SLC24A3: variants seen among roughly 807,000 people sequenced by gnomAD.
The protein encoded by SLC24A3 is sodium/potassium/calcium exchanger 3.
Under a neutral mutation model 75.8 loss-of-function variants are expected in SLC24A3, and 28 were observed. The observed-to-expected ratio is 0.37, with a 90% confidence interval of 0.27 to 0.51. The LOEUF (loss-of-function observed/expected upper bound fraction) is 0.51, where lower values mean the gene tolerates loss of function less well. Ranked by LOEUF, SLC24A3 falls within the 20% of genes least tolerant of loss-of-function variation. The pLI is 0.94. For synonymous variants in SLC24A3, 372 were observed against 334.1 expected, an observed-to-expected ratio of 1.11 and a Z score of -1.24; for missense variants, 663 against 847.8, an observed-to-expected ratio of 0.78 and a Z score of 2.71.
chr20:19,562,234 G>A (rs372775528), intron 3 of SLC24A3, among the ~76,000 whole-genome samples: 45 of 152,284 alleles, frequency 3.0e-4, no homozygotes, highest in African/African-American at 9.9e-4. Context: ...CAAACTGCAA[G>A]TGTAGGTCCT....
At chr20:19,480,931 C>T (rs2122518327) in intron 2 of SLC24A3, among the ~76,000 whole-genome samples, 1 of 152,248 alleles carries the variant, frequency 6.6e-6, no homozygotes, top group South Asian at 2.1e-4. Context: ...TATTGACTAC[C>T]CTATTTAATA....
intron 2 of SLC24A3, among the ~76,000 whole-genome samples, chr20:19,339,001 G>A (rs1464515691): frequency 1.3e-5 from 2 of 152,164 alleles, no homozygotes; most frequent in Non-Finnish European, 2.9e-5. Flanking sequence ...GATTCACACA[G>A]GGATGTTCCA....
intron 6 of SLC24A3, 138 bp from the exon 7 acceptor site, chr20:19,653,924 T>G: frequency 6.7e-6 from 4 of 597,338 alleles, no homozygotes; most frequent in Non-Finnish European, 1.2e-5. Context: ...GCCTAAATAC[T>G]TGAATAAATT....
At chr20:19,680,039 G>T (rs544034674) in intron 9 of SLC24A3, among the ~76,000 whole-genome samples, 176 of 151,222 alleles carry the variant, frequency 1.2e-3, no homozygotes, top group African/African-American at 3.9e-3. Flanking sequence ...GTGCATGACT[G>T]GGCATCTGTG....
At chr20:19,695,049 A>T (rs1404813552) in intron 13 of SLC24A3, 5 of 152,278 alleles carry the variant, frequency 3.3e-5, no homozygotes, top group African/African-American at 1.2e-4. Flanking sequence ...ACCGGAAGTC[A>T]GAAAGCCCTG....
chr20:19,696,502 TCCCAGAAA>T, intron 13 of SLC24A3: 1 of 306,112 alleles, frequency 3.3e-6, no homozygotes, highest in Non-Finnish European at 6.1e-6. Context: ...ATTGCCTTTT[TCCCAGAAA>T]TTCTATTTTC....
chr20:19,554,248 A>G (rs1229975924), intron 3 of SLC24A3, among the ~76,000 whole-genome samples: 3 of 152,248 alleles, frequency 2.0e-5, no homozygotes, highest in African/African-American at 7.2e-5. Flanking sequence ...ATAGTGAATG[A>G]TAATATTTGG....
intron 2 of SLC24A3, among the ~76,000 whole-genome samples, chr20:19,339,308 T>G (rs1229851796): frequency 6.6e-6 from 1 of 152,124 alleles, no homozygotes; most frequent in Non-Finnish European, 1.5e-5. Context: ...TTTCCCCTTG[T>G]GCAGCATCTG....
At chr20:19,411,757 G>A (rs76026086) in intron 2 of SLC24A3, among the ~76,000 whole-genome samples, 2,594 of 152,310 alleles carry the variant, frequency 0.017, 76 homozygotes, top group African/African-American at 0.057. Context: ...AAACGCAAAT[G>A]TTTCACTTGA....
intron 3 of SLC24A3, among the ~76,000 whole-genome samples, chr20:19,556,835 A>G (rs965268014): frequency 2.0e-5 from 3 of 152,226 alleles, no homozygotes; most frequent in East Asian, 3.8e-4. Context: ...ACACCAGGCA[A>G]TCATGAGGTC....
At chr20:19,500,355 G>A (rs1353967628) in intron 2 of SLC24A3, among the ~76,000 whole-genome samples, 1 of 152,152 alleles carries the variant, frequency 6.6e-6, no homozygotes, top group Non-Finnish European at 1.5e-5. Context: ...CATGGGATTT[G>A]CTGCTTCTAT....
chr20:19,251,626 C>T (rs775434144), intron 1 of SLC24A3, among the ~76,000 whole-genome samples: 34 of 152,134 alleles, frequency 2.2e-4, no homozygotes, highest in East Asian at 3.9e-4. Flanking sequence ...AATTGTCCCA[C>T]GAGAGAGGCA....
At chr20:19,376,501 G>A (rs992191001) in intron 2 of SLC24A3, among the ~76,000 whole-genome samples, 4 of 152,176 alleles carry the variant, frequency 2.6e-5, no homozygotes, top group African/African-American at 9.7e-5. Context: ...ATCGTGGCAG[G>A]CTATCGTTCT....
At chr20:19,497,993 C>T (rs376121754) in intron 2 of SLC24A3, among the ~76,000 whole-genome samples, 1 of 152,130 alleles carries the variant, frequency 6.6e-6, no homozygotes, top group Non-Finnish European at 1.5e-5. Flanking sequence ...CCACTCCCCA[C>T]GGCTCACGTT....
intron 2 of SLC24A3, among the ~76,000 whole-genome samples, chr20:19,375,158 C>A (rs951789784): frequency 6.6e-6 from 1 of 152,102 alleles, no homozygotes; most frequent in Non-Finnish European, 1.5e-5. Context: ...TCAGGGTTTG[C>A]TTCTGGGAGA....
At chr20:19,703,640 T>C (rs1170104600) in intron 15 of SLC24A3, among the ~76,000 whole-genome samples, 1 of 152,224 alleles carries the variant, frequency 6.6e-6, no homozygotes, top group African/African-American at 2.4e-5. Context: ...GTGTATGATC[T>C]ATTTCAAAGT....
intron 1 of SLC24A3, among the ~76,000 whole-genome samples, chr20:19,257,847 A>T (rs929867379): frequency 6.6e-6 from 1 of 152,028 alleles, no homozygotes. Context: ...ATTTTTAGAG[A>T]TAGGGTTTCC....
At chr20:19,433,162 G>T (rs1987133924) in intron 2 of SLC24A3, among the ~76,000 whole-genome samples, 1 of 152,080 alleles carries the variant, frequency 6.6e-6, no homozygotes, top group African/African-American at 2.4e-5. Flanking sequence ...ATCATCCAAG[G>T]CATTTCAGGT....
intron 2 of SLC24A3, among the ~76,000 whole-genome samples, chr20:19,288,489 G>A (rs1983864848): frequency 6.6e-6 from 1 of 152,176 alleles, no homozygotes; most frequent in African/African-American, 2.4e-5. Flanking sequence ...TGAAACACAG[G>A]TAAAGGATGA....
Sources: gnomAD v4.1 joint callset for allele counts (sites outside exome capture counted in the v4.1 genomes callset) on GRCh38, gnomAD v4.1.1 for gene constraint, MANE v1.5 for transcripts, NCBI Gene and HGNC (gene_info 2026-07-23, HGNC 2026-07-21) for gene names.